Variants in GPM6A observed in about 807,000 individuals in gnomAD.
The protein encoded by GPM6A is neuronal membrane glycoprotein M6-a.
GPM6A carries 7 observed loss-of-function variants against 32.1 expected under a neutral mutation model. The observed-to-expected ratio is 0.22, with a 90% CI of 0.12 to 0.41. The LOEUF (loss-of-function observed/expected upper bound fraction) is 0.41, where lower values mean the gene tolerates loss of function less well. Among genes scored for constraint, GPM6A ranks in the 10% least tolerant of loss-of-function variants. The probability of loss-of-function intolerance (pLI) is 1.00; values close to 1 mark genes in which losing one functional copy is unlikely to be tolerated. For missense variants in GPM6A, 235 were observed against 347.2 expected, an observed-to-expected ratio of 0.68 and a Z score of 2.57; for synonymous variants, 130 against 123.4, an observed-to-expected ratio of 1.05 and a Z score of -0.35.
chr4:175,973,500 A>G (rs1286164148), intron 1 of GPM6A, among the ~76,000 whole-genome samples: 1 of 152,260 alleles, frequency 6.6e-6, no homozygotes, highest in Non-Finnish European at 1.5e-5. Flanking sequence ...GGTCAACTAC[A>G]TAATTAACTT....
chr4:175,914,740 G>T (rs192286501), intron 1 of GPM6A, among the ~76,000 whole-genome samples: 1 of 106,108 alleles, frequency 9.4e-6, no homozygotes, highest in Non-Finnish European at 2.0e-5. Context: ...GTCAGAGCGA[G>T]GGGGGGCCAC....
intron 1 of GPM6A, chr4:175,961,266 A>G (rs1001768422): frequency 1.3e-5 from 2 of 152,242 alleles, no homozygotes; most frequent in African/African-American, 4.8e-5. Flanking sequence ...AAGAATGTTC[A>G]TTCAACAAAA....
chr4:175,880,381 G>A (rs1414359713), intron 1 of GPM6A, among the ~76,000 whole-genome samples: 5 of 152,048 alleles, frequency 3.3e-5, no homozygotes, highest in Non-Finnish European at 5.9e-5. Flanking sequence ...CTATTTTTTG[G>A]TTCCATATGA....
chr4:175,869,865 C>A (rs1736852637), intron 1 of GPM6A, among the ~76,000 whole-genome samples: 1 of 152,122 alleles, frequency 6.6e-6, no homozygotes, highest in Admixed American at 6.6e-5. Flanking sequence ...TACTTTTAAT[C>A]TTCCTACCAA....
chr4:175,698,645 T>C (rs1744705080), intron 2 of GPM6A, among the ~76,000 whole-genome samples: 1 of 152,162 alleles, frequency 6.6e-6, no homozygotes, highest in African/African-American at 2.4e-5. Flanking sequence ...TATTTGTTGG[T>C]AGGGAGAGAG....
intron 1 of GPM6A, among the ~76,000 whole-genome samples, chr4:175,859,594 A>G (rs17062172): frequency 0.025 from 3,869 of 152,262 alleles, 147 homozygotes; most frequent in African/African-American, 0.084. Context: ...ATGTCCTTCC[A>G]TGCTACAGAA....
chr4:175,797,989 G>A (rs369475724), intron 1 of GPM6A, among the ~76,000 whole-genome samples: 56 of 152,246 alleles, frequency 3.7e-4, no homozygotes, highest in Admixed American at 9.8e-4. Context: ...TGCTAGAAAT[G>A]CAGATTCCTG....
At chr4:175,824,326 C>T (rs897774815) in intron 1 of GPM6A, among the ~76,000 whole-genome samples, 1 of 152,158 alleles carries the variant, frequency 6.6e-6, no homozygotes, top group African/African-American at 2.4e-5. Context: ...ACACACACCC[C>T]ATCCACTTAC....
At chr4:175,640,639 C>T (rs1444475837) in intron 5 of GPM6A, 114 bp downstream of exon 5, 1 of 731,470 alleles carries the variant, frequency 1.4e-6, no homozygotes, top group Admixed American at 2.4e-5. Context: ...GGTAAAATTG[C>T]CTCTGATAGA....
chr4:175,766,660 T>C (rs1203375616), intron 1 of GPM6A, among the ~76,000 whole-genome samples: 1 of 150,166 alleles, frequency 6.7e-6, no homozygotes, highest in Non-Finnish European at 1.5e-5. Context: ...ACTCTTTTTT[T>C]TTTTTTTTTT....
intron 1 of GPM6A, among the ~76,000 whole-genome samples, chr4:175,724,777 C>T (rs1746319542): frequency 6.6e-6 from 1 of 152,146 alleles, no homozygotes; most frequent in Admixed American, 6.5e-5. Context: ...CCCGCAGTAG[C>T]TTCTCATTTC....
chr4:175,886,186 GT>G (rs1286007050), intron 1 of GPM6A, among the ~76,000 whole-genome samples: 1 of 152,016 alleles, frequency 6.6e-6, no homozygotes, highest in Non-Finnish European at 1.5e-5. Context: ...CAGTAACAGG[GT>G]GAATAAAAGG....
chr4:175,935,969 A>G (rs967276574), intron 1 of GPM6A, among the ~76,000 whole-genome samples: 7 of 151,958 alleles, frequency 4.6e-5, no homozygotes, highest in African/African-American at 1.7e-4. Context: ...CAATAACTTG[A>G]ATAGAATATA....
chr4:175,854,325 T>C (rs890767351), intron 1 of GPM6A, among the ~76,000 whole-genome samples: 1 of 152,022 alleles, frequency 6.6e-6, no homozygotes, highest in African/African-American at 2.4e-5. Context: ...AAAGTCAGAG[T>C]CTGTTTCATC....
intron 1 of GPM6A, among the ~76,000 whole-genome samples, chr4:175,724,691 G>T (rs1172203352): frequency 6.6e-6 from 1 of 152,084 alleles, no homozygotes; most frequent in Non-Finnish European, 1.5e-5. Context: ...AATATGCATG[G>T]CAATAAAACT....
intron 1 of GPM6A, among the ~76,000 whole-genome samples, chr4:175,928,837 T>C (rs1330047222): frequency 6.6e-6 from 1 of 152,252 alleles, no homozygotes; most frequent in African/African-American, 2.4e-5. Context: ...AGGTTTATCA[T>C]AGACATTTCT....
intron 1 of GPM6A, among the ~76,000 whole-genome samples, chr4:175,753,163 C>T (rs1227198988): frequency 6.6e-6 from 1 of 152,076 alleles, no homozygotes; most frequent in African/African-American, 2.4e-5. Flanking sequence ...TTTGATGTTC[C>T]ATGTTCGATA....
intron 1 of GPM6A, among the ~76,000 whole-genome samples, chr4:175,925,654 A>G (rs1445360490): frequency 6.6e-6 from 1 of 152,120 alleles, no homozygotes; most frequent in Non-Finnish European, 1.5e-5. Flanking sequence ...TAGCTTTGGA[A>G]TAAAATCAAT....
At chr4:175,893,945 T>C (rs1196664366) in intron 1 of GPM6A, among the ~76,000 whole-genome samples, 1 of 152,172 alleles carries the variant, frequency 6.6e-6, no homozygotes, top group African/African-American at 2.4e-5. Context: ...TTGAGAGAGC[T>C]GCACACCTCA....
Sources: allele counts gnomAD v4.1 joint callset (sites outside exome capture counted in the v4.1 genomes callset), GRCh38; gene constraint gnomAD v4.1.1; transcripts MANE v1.5; gene names NCBI Gene and HGNC (gene_info 2026-07-23, HGNC 2026-07-21).